KAZN: variants seen among roughly 807,000 people sequenced by gnomAD.
KAZN encodes kazrin, periplakin interacting protein.
A neutral mutation model predicts 87.4 loss-of-function variants in KAZN; 40 were observed. That is an observed-to-expected ratio of 0.46 (90% CI 0.36 to 0.60). The LOEUF (loss-of-function observed/expected upper bound fraction) is 0.60. Among genes scored for constraint, KAZN ranks in the 20% least tolerant of loss-of-function variants. KAZN has a pLI of 0.00. For synonymous variants in KAZN, 466 were observed against 458.3 expected, an observed-to-expected ratio of 1.02 and a Z score of -0.22; for missense variants, 898 against 1,073.9, an observed-to-expected ratio of 0.84 and a Z score of 2.29.
intron 1 of KAZN, among the ~76,000 whole-genome samples, chr1:14,824,276 G>A (rs1646819834): frequency 6.6e-6 from 1 of 152,074 alleles, no homozygotes. Context: ...GAAAGAAAGA[G>A]AGCTAGAAAG....
At position 14,752,399 on chromosome 1, in the gene KAZN, G is replaced by C. The variant is rs12071774; in HGVS notation, c.226+153176G>C. On this transcript the variant is annotated intron_variant, in intron 1 of 14. Transcript: ENST00000376030. ...CTGACTTGTCTAAGTGAAGGGCAGA[G>C]CTGTCTTCATCCATTTGTGCTACAA... 6.0e-3 allele frequency among the ~76,000 whole-genome samples: 917 copies of C among 152,304 alleles called. 13 individuals are homozygous for C. Among genetic ancestry groups the C allele is most frequent in the African/African-American group, 0.021 (881 of 41,566 alleles).
chr1:14,258,833 A>G lies in KAZN; in HGVS notation c.249+78241A>G, dbSNP rs558390915. Among the ~76,000 whole-genome samples the G allele has an allele frequency of 2.0e-5, 3 of 152,280 alleles. No homozygotes were observed. The East Asian group carries it at 5.8e-4, about 29-fold the overall frequency. On this transcript the variant is annotated intron_variant, in intron 2 of 16. Coordinates refer to the KAZN transcript ENST00000636203. Reference sequence around the variant, plus strand: ...TACAACCTCGCAGGAATATGTAGAGATTAAATGATTTAATAGAAGTAAGAG... The same window carrying G: ...TACAACCTCGCAGGAATATGTAGAGGTTAAATGATTTAATAGAAGTAAGAG...
chr1:14,209,858 C>G (rs1200186715), intron 2 of KAZN, among the ~76,000 whole-genome samples: 1 of 152,184 alleles, frequency 6.6e-6, no homozygotes, highest in African/African-American at 2.4e-5. Flanking sequence ...ACAGCCAGGC[C>G]TGTTATTGGT....
intron 1 of KAZN, among the ~76,000 whole-genome samples, chr1:13,927,364 G>T (rs952379428): frequency 1.3e-5 from 2 of 152,178 alleles, no homozygotes; most frequent in Admixed American, 1.3e-4. Flanking sequence ...TTACAGAGAG[G>T]GCTTAAAATG....
intron 2 of KAZN, among the ~76,000 whole-genome samples, chr1:14,289,814 G>A (rs1021941234): frequency 6.6e-6 from 1 of 152,168 alleles, no homozygotes; most frequent in Admixed American, 6.5e-5. Context: ...TGCAGTGGCT[G>A]GTACCAGTTG....
intron 2 of KAZN, among the ~76,000 whole-genome samples, chr1:14,443,739 A>G (rs1322587814): frequency 6.6e-6 from 1 of 152,212 alleles, no homozygotes; most frequent in Admixed American, 6.5e-5. Context: ...TGCATTGTTT[A>G]TTCATGTGAC....
Position 15,094,461 on chromosome 1 carries a change from C to G in KAZN, c.1428+76C>G. Reference sequence around the variant, plus strand: ...TTTACGTACCCAGAAGCTGGCCTGCCCCCCACTCCTACCCTGGAGTCAGGA... The same window carrying G: ...TTTACGTACCCAGAAGCTGGCCTGCGCCCCACTCCTACCCTGGAGTCAGGA... On this transcript the variant is annotated intron_variant, in intron 9 of 14. Transcript: ENST00000376030. The surrounding 1 kb of genome is among the most constrained non-coding windows in gnomAD (Gnocchi z 4.5). The G allele has an allele frequency of 2.2e-6, 3 of 1,353,082 alleles. No individual in the cohort carries two copies. The highest frequency in any genetic ancestry group is 3.1e-6 in the Non-Finnish European group (3 of 978,452). The allele number at this position is 1,353,082 out of a possible 1,614,324, so 83.8% of individuals were successfully genotyped here. A position where few individuals can be genotyped will look rare whatever the true frequency, so the allele number is the denominator to read the frequency against.
intron 1 of KAZN, among the ~76,000 whole-genome samples, chr1:14,175,978 G>T (rs962282586): frequency 2.1e-4 from 32 of 152,172 alleles, no homozygotes; most frequent in African/African-American, 7.5e-4. Context: ...CTTCCTGTTT[G>T]CAGATAACAT....
At chr1:14,927,469 G>A (rs1324690418) in intron 1 of KAZN, among the ~76,000 whole-genome samples, 3 of 152,168 alleles carry the variant, frequency 2.0e-5, no homozygotes, top group Non-Finnish European at 2.9e-5. Flanking sequence ...AAGCCGGGGA[G>A]GGGTTAGAAT....
At chr1:13,895,480 C>T (rs954333665) in intron 1 of KAZN, among the ~76,000 whole-genome samples, 1 of 152,028 alleles carries the variant, frequency 6.6e-6, no homozygotes, top group Non-Finnish European at 1.5e-5. Flanking sequence ...TCCTTTATGT[C>T]AAGAGAGCAA....
chr1:14,904,807 G>C (rs1265789807), intron 1 of KAZN, among the ~76,000 whole-genome samples: 1 of 152,172 alleles, frequency 6.6e-6, no homozygotes, highest in African/African-American at 2.4e-5. Context: ...TGTCACCCAG[G>C]CTGGGATGCA....
chr1:13,988,675 A>G (rs1639136693), intron 1 of KAZN, among the ~76,000 whole-genome samples: 1 of 152,206 alleles, frequency 6.6e-6, no homozygotes, highest in Non-Finnish European at 1.5e-5. Flanking sequence ...CTATGTGAGT[A>G]GGAAGACATG....
intron 2 of KAZN, among the ~76,000 whole-genome samples, chr1:14,370,404 T>G (rs1320663459): frequency 6.6e-6 from 1 of 152,162 alleles, no homozygotes; most frequent in Non-Finnish European, 1.5e-5. Context: ...CTGAGTATCA[T>G]TCAGGGATCT....
rs183357843 is a variant in KAZN at position 15,103,764 on chromosome 1, T to C, written c.1882-259T>C. Among the ~76,000 whole-genome samples, 140 of 152,294 alleles carry C rather than the reference T, an allele frequency of 9.2e-4. 1 individual carries two copies. Among genetic ancestry groups the C allele is most frequent in the African/African-American group, 2.9e-3 (122 of 41,564 alleles). On this transcript the variant is annotated intron_variant, in intron 12 of 14. Coordinates refer to ENST00000376030, the MANE Select transcript of KAZN (RefSeq NM_201628.3). ...AGAGGCTGAGCCAGCCCCACTCTCC[T>C]AAGCAAGTGTGGGGTTGAGATTCAT...
At chr1:14,881,924 G>A (rs769527490) in intron 1 of KAZN, among the ~76,000 whole-genome samples, 7 of 152,148 alleles carry the variant, frequency 4.6e-5, no homozygotes, top group African/African-American at 9.7e-5. Flanking sequence ...AAGCTCCTCC[G>A]GGGAAAGGCC....
chr1:14,799,562 G>A (rs944339409), intron 1 of KAZN, among the ~76,000 whole-genome samples: 4 of 152,190 alleles, frequency 2.6e-5, no homozygotes, highest in Non-Finnish European at 4.4e-5. Context: ...GGAACCAGTC[G>A]AGTTGTTAAA....
At chr1:14,779,710 G>T (rs1213664905) in intron 1 of KAZN, among the ~76,000 whole-genome samples, 2 of 152,118 alleles carry the variant, frequency 1.3e-5, no homozygotes, top group Non-Finnish European at 2.9e-5. Flanking sequence ...GTTTGGCTTT[G>T]TTATTTTTTT....
intron 1 of KAZN, among the ~76,000 whole-genome samples, chr1:13,938,981 A>G (rs1640839797): frequency 6.6e-6 from 1 of 152,188 alleles, no homozygotes; most frequent in African/African-American, 2.4e-5. Context: ...CTTGCCCACA[A>G]AACCATTCTT....
intron 1 of KAZN, among the ~76,000 whole-genome samples, chr1:14,912,440 G>A (rs1657352131): frequency 6.6e-6 from 1 of 152,152 alleles, no homozygotes; most frequent in African/African-American, 2.4e-5. Flanking sequence ...GGGATGAGAG[G>A]ATACGCTGTC....
Sources: allele counts gnomAD v4.1 joint callset (sites outside exome capture counted in the v4.1 genomes callset), GRCh38; gene constraint gnomAD v4.1.1; non-coding constraint Gnocchi (gnomAD v3.1); transcripts MANE v1.5; gene names NCBI Gene and HGNC (gene_info 2026-07-23, HGNC 2026-07-21).